C10orf53: variants seen among roughly 807,000 people sequenced by gnomAD.
C10orf53 encodes the protein UPF0728 protein C10orf53.
Under a neutral mutation model 9.4 loss-of-function variants are expected in C10orf53, and 8 were observed. The observed-to-expected ratio is 0.85, with a 90% CI of 0.50 to 1.53. The LOEUF is 1.53. Ranked by LOEUF, C10orf53 falls within the 40% of genes most tolerant of loss-of-function variation. The probability of loss-of-function intolerance (pLI) is 0.00; values close to 1 mark genes in which losing one functional copy is unlikely to be tolerated. For missense variants in C10orf53, 117 were observed against 117.8 expected, an observed-to-expected ratio of 0.99 and a Z score of 0.03; for synonymous variants, 48 against 46.0, an observed-to-expected ratio of 1.04 and a Z score of -0.18.
In C10orf53 at chr10:49,696,070, G is replaced by A. The variant is rs1243236709; in HGVS notation, c.*1468G>A. On this transcript the variant is annotated 3_prime_UTR_variant, in exon 3 of 3. Transcript: ENST00000374111. ...ATATATTTCAATTTGGGTTTCTTCT[G>A]TTTATGTCTGAATATTCATAAAGAG... 2 of 152,018 alleles carry A rather than the reference G, an allele frequency of 1.3e-5. No individual in the cohort carries two copies. The highest frequency in any genetic ancestry group is 2.9e-5 in the Non-Finnish European group (2 of 67,992). The allele number at this position is 152,018 out of a possible 1,614,324, so 9.4% of individuals were successfully genotyped here.
In C10orf53 at chr10:49,695,368, C is replaced by G. The variant is rs544958824; in HGVS notation, c.*766C>G. On this transcript the variant is annotated 3_prime_UTR_variant, in exon 3 of 3. Coordinates refer to ENST00000374111, the MANE Select transcript of C10orf53 (RefSeq NM_001042427.3). Reference sequence around the variant, plus strand: ...ATGATATTTTTACTTTCCACTCTTACGCACCAATGTGTAGTATATATTCTT... The same window carrying G: ...ATGATATTTTTACTTTCCACTCTTAGGCACCAATGTGTAGTATATATTCTT... 1 of 152,142 alleles carries G rather than the reference C, an allele frequency of 6.6e-6. No homozygotes were observed. Among genetic ancestry groups the G allele is most frequent in the Non-Finnish European group, 1.5e-5 (1 of 68,034 alleles). The allele number at this position is 152,142 out of a possible 1,614,324, so 9.4% of individuals were successfully genotyped here.
At chr10:49,704,030 CCTT>C (rs1303688045) in intron 2 of C10orf53, among the ~76,000 whole-genome samples, 3 of 152,170 alleles carry the variant, frequency 2.0e-5, no homozygotes, top group Non-Finnish European at 4.4e-5. Context: ...TCCCGCCTGT[CCTT>C]ATCCTACTAT....
intron 2 of C10orf53, among the ~76,000 whole-genome samples, chr10:49,703,983 A>G (rs913144335): frequency 5.3e-5 from 8 of 152,230 alleles, no homozygotes; most frequent in African/African-American, 7.2e-5. Context: ...AAATGTGGTT[A>G]GGACAATTGG....
chr10:49,693,012 A>C (rs1023717463), intron 1 of C10orf53, among the ~76,000 whole-genome samples: 6 of 152,212 alleles, frequency 3.9e-5, no homozygotes, highest in African/African-American at 1.4e-4. Flanking sequence ...TATTTTCTTC[A>C]TCCTTACATA....
intron 2 of C10orf53, among the ~76,000 whole-genome samples, chr10:49,702,689 G>C (rs2132890565): frequency 6.6e-6 from 1 of 152,264 alleles, no homozygotes; most frequent in East Asian, 1.9e-4. Context: ...CCATAATTGT[G>C]ACAATTCCAT....
At chr10:49,688,173 C>A (rs185511092) in intron 1 of C10orf53, among the ~76,000 whole-genome samples, 1 of 152,124 alleles carries the variant, frequency 6.6e-6, no homozygotes, top group South Asian at 2.1e-4. Flanking sequence ...CCCTAGCACT[C>A]ACCCCCACCA....
chr10:49,694,320 A>G (rs1467126831), intron 2 of C10orf53: 1 of 643,302 alleles, frequency 1.6e-6, no homozygotes, highest in Non-Finnish European at 2.6e-6. Flanking sequence ...CAACATTCAA[A>G]TGAGAGCTTC....
Position 49,694,621 on chromosome 10 carries a change from A to T in C10orf53, c.*19A>T. 6.2e-7 allele frequency: 1 copy of T among 1,614,214 alleles called. No homozygotes were observed. The highest frequency in any genetic ancestry group is 8.5e-7 in the Non-Finnish European group (1 of 1,180,020). ...CTACTGATCTCCTCATGGAACAGGC[A>T]TCTCAAGTCGGCACAACAGCAGCTG... is the stretch of plus-strand genomic sequence containing the variant. On this transcript the variant is annotated 3_prime_UTR_variant, in exon 3 of 3. Coordinates refer to ENST00000374111, the MANE Select transcript of C10orf53 (RefSeq NM_001042427.3).
At chr10:49,699,188 A>ATTTTTTTTTTTT (rs1210027084), downstream of C10orf53, among the ~76,000 whole-genome samples, 5 of 47,762 alleles carry the variant, frequency 1.0e-4, no homozygotes, top group Non-Finnish European at 1.4e-4. Context: ...TGGTGGCTCA[A>ATTTTTTTTTTTT]TCTTTTTTTT....
At position 49,696,764 on chromosome 10, in the gene C10orf53, G is replaced by T. The variant is rs146190776; in HGVS notation, c.*2162G>T. ...TTCCTCTGAGCAGTGGGATTGGGGG[G>T]TGTGGGGGGCAGGTGAGGTAGAGGG... On this transcript the variant is annotated 3_prime_UTR_variant, in exon 3 of 3. Transcript: ENST00000374111. Among the ~76,000 whole-genome samples, 2 of 152,108 alleles carry T rather than the reference G, an allele frequency of 1.3e-5. No individual in the cohort carries two copies. The highest frequency in any genetic ancestry group is 2.4e-5 in the African/African-American group (1 of 41,404).
rs1450899213 is a variant in C10orf53, at chr10:49,679,656, CGT to C, written c.-37_-36del. 3.9e-6 allele frequency: 6 copies of C among 1,536,472 alleles called. No homozygotes were observed. In the Admixed American group the frequency reaches 1.2e-4, roughly 31 times the overall value. On this transcript the variant is annotated 5_prime_UTR_variant, in exon 1 of 3. Coordinates refer to ENST00000374111, the MANE Select transcript of C10orf53 (RefSeq NM_001042427.3). ...GGCCGGAAGAGAGGTTGCTTAGCAG[CGT>C]GTGTTTCTCCCTTGCCTCTGCGGCG... is the stretch of plus-strand genomic sequence containing the variant.
downstream of C10orf53, among the ~76,000 whole-genome samples, chr10:49,701,961 G>A (rs1354137498): frequency 1.3e-5 from 2 of 152,146 alleles, no homozygotes; most frequent in Non-Finnish European, 2.9e-5. Context: ...CAGCACTTTG[G>A]GAGGCCGAGG....
exon 3 of C10orf53, chr10:49,710,201 A>C (rs1289242573): frequency 6.6e-6 from 1 of 152,090 alleles, no homozygotes; most frequent in Non-Finnish European, 1.5e-5. Flanking sequence ...TGGACACAAC[A>C]CCCAACAGTT....
chr10:49,707,982 C>T (rs1227476576), intron 2 of C10orf53, among the ~76,000 whole-genome samples: 4 of 152,154 alleles, frequency 2.6e-5, no homozygotes, highest in Non-Finnish European at 5.9e-5. Context: ...GTATTAGTGC[C>T]TGGAGTTCTA....
intron 1 of C10orf53, among the ~76,000 whole-genome samples, chr10:49,686,842 G>T (rs527505961): frequency 6.6e-6 from 1 of 152,260 alleles, no homozygotes; most frequent in East Asian, 1.9e-4. Context: ...ATTTTGCCTT[G>T]CCCTGTGATC....
chr10:49,692,649 T>C (rs1840595731), intron 1 of C10orf53, among the ~76,000 whole-genome samples: 1 of 152,176 alleles, frequency 6.6e-6, no homozygotes, highest in Non-Finnish European at 1.5e-5. Flanking sequence ...GCACACCCAC[T>C]CTAATATTGA....
chr10:49,703,596 A>G (rs61190132), intron 2 of C10orf53, among the ~76,000 whole-genome samples: 69,268 of 152,054 alleles, frequency 0.46, 16,196 homozygotes, highest in Middle Eastern at 0.5. Context: ...AGTGCCTGCT[A>G]CATGCAGTGA....
intron 2 of C10orf53, among the ~76,000 whole-genome samples, chr10:49,704,585 A>G (rs1159710162): frequency 1.3e-5 from 2 of 152,100 alleles, no homozygotes; most frequent in Non-Finnish European, 2.9e-5. Context: ...TACTAAAAAT[A>G]CCAAAAAAAT....
At chr10:49,690,803 C>T (rs965533688) in intron 1 of C10orf53, among the ~76,000 whole-genome samples, 4 of 152,228 alleles carry the variant, frequency 2.6e-5, no homozygotes, top group Non-Finnish European at 5.9e-5. Context: ...GCTAGCTATG[C>T]ATCAGCGGCC....
Sources: gnomAD v4.1 joint callset for allele counts (sites outside exome capture counted in the v4.1 genomes callset) on GRCh38, gnomAD v4.1.1 for gene constraint, MANE v1.5 for transcripts, NCBI Gene and HGNC (gene_info 2026-07-23, HGNC 2026-07-21) for gene names.